CHODL: variants seen among roughly 807,000 people sequenced by gnomAD.
CHODL encodes the protein chondrolectin, also known as transmembrane protein MT75.
A neutral mutation model predicts 34.5 loss-of-function variants in CHODL; 29 were observed. The ratio of observed to expected loss-of-function variants is 0.84; its 90% CI spans 0.63 to 1.15. The LOEUF is 1.15. CHODL is among the 50% of genes most tolerant of loss of function. The pLI is 0.00. For synonymous variants in CHODL, 125 were observed against 116.1 expected, an observed-to-expected ratio of 1.08 and a Z score of -0.49; for missense variants, 332 against 332.5, an observed-to-expected ratio of 1.00 and a Z score of 0.01.
chr21:18,038,153 TAGTACTA>T (rs2064332795), intron 2 of CHODL, among the ~76,000 whole-genome samples: 1 of 151,706 alleles, frequency 6.6e-6, no homozygotes, highest in Non-Finnish European at 1.5e-5. Context: ...GACTTCTCTT[TAGTACTA>T]AATGTCATAA....
intron 2 of CHODL, among the ~76,000 whole-genome samples, chr21:18,065,846 A>G (rs1190312546): frequency 6.6e-6 from 1 of 152,134 alleles, no homozygotes; most frequent in Non-Finnish European, 1.5e-5. Context: ...AAATGCATCT[A>G]AAAAAATGCT....
At chr21:17,970,579 A>G (rs772528779) in intron 1 of CHODL, among the ~76,000 whole-genome samples, 9 of 152,048 alleles carry the variant, frequency 5.9e-5, no homozygotes, top group Non-Finnish European at 1.2e-4. Flanking sequence ...CATCATTACT[A>G]TGCATTTTTT....
At chr21:17,956,180 C>T (rs2063492649) in intron 1 of CHODL, among the ~76,000 whole-genome samples, 1 of 135,974 alleles carries the variant, frequency 7.4e-6, no homozygotes, top group Admixed American at 7.3e-5. Context: ...GGGGTGGGTC[C>T]TTCATGAATG....
intron 2 of CHODL, among the ~76,000 whole-genome samples, chr21:18,047,374 C>T (rs1035275283): frequency 6.6e-6 from 1 of 151,908 alleles, no homozygotes; most frequent in Admixed American, 6.6e-5. Flanking sequence ...GCAGAGGCCA[C>T]AGCTTTGACC....
chr21:18,131,149 G>C (rs1170025452), intron 2 of CHODL, among the ~76,000 whole-genome samples: 1 of 151,980 alleles, frequency 6.6e-6, no homozygotes, highest in Non-Finnish European at 1.5e-5. Context: ...GAGACAGAGA[G>C]AGCAGAGAGA....
At chr21:18,108,807 G>C (rs2065307990) in intron 2 of CHODL, among the ~76,000 whole-genome samples, 1 of 150,798 alleles carries the variant, frequency 6.6e-6, no homozygotes, top group Admixed American at 6.6e-5. Context: ...GACGATTATA[G>C]TTTTTTCTCA....
intron 2 of CHODL, among the ~76,000 whole-genome samples, chr21:18,128,512 A>ATGGT (rs1232363095): frequency 5.3e-5 from 8 of 152,016 alleles, no homozygotes; most frequent in Non-Finnish European, 1.0e-4. Flanking sequence ...TTAACAGTCT[A>ATGGT]TGGTATATTT....
In CHODL at chr21:17,992,207, A is replaced by G. The variant is rs140225459; in HGVS notation, c.-144-35665A>G. On this transcript the variant is annotated intron_variant, in intron 1 of 6. Coordinates refer to the CHODL transcript ENST00000400127. ...TATGTCTGTTTTTTATACCAATACCATGCTGTTTTGGTTACTATAGCTTTG... is the reference window on the plus strand; with the variant it reads ...TATGTCTGTTTTTTATACCAATACCGTGCTGTTTTGGTTACTATAGCTTTG... 5.5e-3 allele frequency among the ~76,000 whole-genome samples: 833 copies of G among 152,178 alleles called. 6 individuals are homozygous for G. The highest frequency in any genetic ancestry group is 0.013 in the African/African-American group (553 of 41,524).
Position 18,265,237 on chromosome 21 carries a change from A to ATATATATATGTGTATATATATGTG in CHODL, c.738-707_738-684dup, listed in dbSNP as rs1283318248. 2.3e-3 allele frequency among the ~76,000 whole-genome samples: 337 copies of ATATATATATGTGTATATATATGTG among 144,594 alleles called. 1 individual carries two copies. Among genetic ancestry groups the ATATATATATGTGTATATATATGTG allele is most frequent in the Non-Finnish European group, 4.2e-3 (280 of 66,516 alleles). The allele number at this position is 144,594 out of a possible 152,430, so 94.9% of individuals were successfully genotyped here. A position where few individuals can be genotyped will look rare whatever the true frequency, so the allele number is the denominator to read the frequency against. Reference sequence around the variant, plus strand: ...TGTATGTGTATATATATATGTGTGTATATATATATGTGTATATATATGTGT... The same window carrying ATATATATATGTGTATATATATGTG: ...TGTATGTGTATATATATATGTGTGTATATATATATGTGTATATATATGTGTATATATATGTGTATATATATGTGT... On this transcript the variant is annotated intron_variant, in intron 5 of 5. Coordinates refer to ENST00000299295, the MANE Select transcript of CHODL (RefSeq NM_024944.3).
chr21:18,026,013 G>A (rs986578125), intron 1 of CHODL, among the ~76,000 whole-genome samples: 3 of 152,156 alleles, frequency 2.0e-5, no homozygotes, highest in Non-Finnish European at 4.4e-5. Flanking sequence ...TGGGTGACAC[G>A]ATTCAGCCCC....
intron 1 of CHODL, among the ~76,000 whole-genome samples, chr21:17,946,348 G>A (rs936892413): frequency 1.3e-5 from 2 of 152,114 alleles, no homozygotes; most frequent in African/African-American, 4.8e-5. Flanking sequence ...GAACCCCCGG[G>A]GGCGGAGCCT....
intron 2 of CHODL, among the ~76,000 whole-genome samples, chr21:18,100,811 T>C (rs1487734156): frequency 1.3e-5 from 2 of 152,084 alleles, no homozygotes; most frequent in Non-Finnish European, 2.9e-5. Context: ...TCTGTGAGAG[T>C]ATTTATATAC....
At chr21:17,926,364 T>C (rs965645908) in intron 1 of CHODL, among the ~76,000 whole-genome samples, 47 of 141,822 alleles carry the variant, frequency 3.3e-4, no homozygotes, top group African/African-American at 1.2e-3. Context: ...GGGTAACAAA[T>C]AAATAAGGTG....
chr21:17,952,194 C>CAAAAAAAAAAAAA (rs58511535), intron 1 of CHODL, among the ~76,000 whole-genome samples: 3 of 80,374 alleles, frequency 3.7e-5, no homozygotes, highest in African/African-American at 1.0e-4. Flanking sequence ...TACTATGTCT[C>CAAAAAAAAAAAAA]AAAAAAAAAA....
intron 1 of CHODL, among the ~76,000 whole-genome samples, chr21:18,022,010 G>A (rs112311583): frequency 0.016 from 2,360 of 152,218 alleles, 59 homozygotes; most frequent in Middle Eastern, 0.048. Context: ...TGAAGCCCCC[G>A]CCACCAATGC....
intron 2 of CHODL, among the ~76,000 whole-genome samples, chr21:18,085,484 G>C (rs530028974): frequency 6.6e-6 from 1 of 152,208 alleles, no homozygotes; most frequent in African/African-American, 2.4e-5. Flanking sequence ...GTGTTTTTAT[G>C]ATGGTGAATA....
At chr21:18,222,002 CTG>C (rs973141189) in intron 2 of CHODL, among the ~76,000 whole-genome samples, 2 of 152,132 alleles carry the variant, frequency 1.3e-5, no homozygotes, top group African/African-American at 4.8e-5. Context: ...CTGTCAGCCT[CTG>C]TGTAGGGTGC....
At chr21:17,955,947 G>T (rs2063491178) in intron 1 of CHODL, among the ~76,000 whole-genome samples, 1 of 137,048 alleles carries the variant, frequency 7.3e-6, no homozygotes, top group Non-Finnish European at 1.7e-5. Context: ...CTATCTGTTT[G>T]ACTGAATGCC....
chr21:18,243,803 C>T (rs771434095), upstream of CHODL, among the ~76,000 whole-genome samples: 1 of 152,104 alleles, frequency 6.6e-6, no homozygotes, highest in South Asian at 2.1e-4. Flanking sequence ...ATAAAACAGT[C>T]CAACAGATGC....
Sources: gnomAD v4.1 joint callset for allele counts (sites outside exome capture counted in the v4.1 genomes callset) on GRCh38, gnomAD v4.1.1 for gene constraint, MANE v1.5 for transcripts, NCBI Gene and HGNC (gene_info 2026-07-23, HGNC 2026-07-21) for gene names.